The following RBFOX1 variants were observed in gnomAD, a reference collection of about 807,000 sequenced individuals.
RBFOX1 encodes RNA binding fox-1 homolog 1.
In RBFOX1, 8 loss-of-function variants were observed where a neutral mutation model predicts 57.7. That is an observed-to-expected ratio of 0.14 (90% confidence interval 0.08 to 0.25). The LOEUF (loss-of-function observed/expected upper bound fraction) is 0.25, where lower values mean the gene tolerates loss of function less well. Among genes scored for constraint, RBFOX1 ranks in the 10% least tolerant of loss-of-function variants. The pLI, the probability that RBFOX1 is intolerant of heterozygous loss-of-function variation, is 1.00. For missense variants in RBFOX1, 611 were observed against 548.5 expected (o/e 1.11, Z -1.14); for synonymous variants, 326 against 222.4 (o/e 1.47, Z -4.15).
chr16:7,079,701 C>T (rs2058860748), intron 4 of RBFOX1, among the ~76,000 whole-genome samples: 1 of 151,916 alleles, frequency 6.6e-6, no homozygotes, highest in Non-Finnish European at 1.5e-5. Flanking sequence ...CAAATGGAGG[C>T]TTTTGAGGGT....
At chr16:6,409,105 C>CTAA (rs2093376692) in intron 2 of RBFOX1, among the ~76,000 whole-genome samples, 1 of 152,120 alleles carries the variant, frequency 6.6e-6, no homozygotes, top group African/African-American at 2.4e-5. Context: ...ACTTCAAATA[C>CTAA]TAATGTTTTA....
intron 4 of RBFOX1, among the ~76,000 whole-genome samples, chr16:5,906,353 A>G (rs2058455924): frequency 6.6e-6 from 1 of 152,238 alleles, no homozygotes; most frequent in Admixed American, 6.5e-5. Flanking sequence ...TAATGTGAAA[A>G]TAAAAGCAGA....
intron 1 of RBFOX1, among the ~76,000 whole-genome samples, chr16:5,290,749 A>G (rs1410176810): frequency 1.3e-5 from 2 of 149,968 alleles, no homozygotes; most frequent in African/African-American, 2.5e-5. Context: ...CCTAGGCTGG[A>G]GTAGAGTGGT....
At chr16:7,659,378 C>T (rs547218268) in intron 12 of RBFOX1, among the ~76,000 whole-genome samples, 1 of 152,172 alleles carries the variant, frequency 6.6e-6, no homozygotes, top group Non-Finnish European at 1.5e-5. Context: ...CTGGTTTTAT[C>T]TTCTAAATAT....
intron 4 of RBFOX1, among the ~76,000 whole-genome samples, chr16:7,327,295 C>G (rs2096623725): frequency 6.6e-6 from 1 of 152,078 alleles, no homozygotes; most frequent in Non-Finnish European, 1.5e-5. Context: ...GATAATTTGC[C>G]AGTGTGGTTT....
chr16:7,121,417 A>C (rs770415648), intron 4 of RBFOX1, among the ~76,000 whole-genome samples: 1 of 152,162 alleles, frequency 6.6e-6, no homozygotes, highest in African/African-American at 2.4e-5. Flanking sequence ...TCATATATCT[A>C]TATACTAGGA....
At chr16:5,532,491 A>G (rs1332969848) in intron 2 of RBFOX1, among the ~76,000 whole-genome samples, 1 of 152,208 alleles carries the variant, frequency 6.6e-6, no homozygotes, top group Non-Finnish European at 1.5e-5. Flanking sequence ...TCAGATGCGT[A>G]TTAAAGTTTA....
chr16:7,495,255 T>A (rs2068244107), intron 4 of RBFOX1, among the ~76,000 whole-genome samples: 1 of 152,232 alleles, frequency 6.6e-6, no homozygotes, highest in Non-Finnish European at 1.5e-5. Flanking sequence ...TCTCTGCTGT[T>A]GTGAATATTA....
chr16:6,917,839 T>G (rs1165898448), intron 3 of RBFOX1, among the ~76,000 whole-genome samples: 1 of 152,092 alleles, frequency 6.6e-6, no homozygotes, highest in African/African-American at 2.4e-5. Flanking sequence ...GGGGGAGACA[T>G]CATCCTTTGT....
intron 4 of RBFOX1, among the ~76,000 whole-genome samples, chr16:7,292,502 T>C (rs1427497559): frequency 1.5e-5 from 2 of 130,568 alleles, no homozygotes; most frequent in Admixed American, 9.0e-5. Context: ...TTATGTATTA[T>C]ATATAAAATA....
intron 3 of RBFOX1, among the ~76,000 whole-genome samples, chr16:6,850,175 C>T (rs1316340271): frequency 6.6e-6 from 1 of 152,060 alleles, no homozygotes; most frequent in Non-Finnish European, 1.5e-5. Flanking sequence ...TCATTTAGTC[C>T]TTCATTCAGT....
chr16:7,558,436 A>G (rs2089391320), intron 5 of RBFOX1, among the ~76,000 whole-genome samples: 1 of 152,130 alleles, frequency 6.6e-6, no homozygotes, highest in Non-Finnish European at 1.5e-5. Context: ...ATTATACTGT[A>G]TGTATATATC....
intron 4 of RBFOX1, among the ~76,000 whole-genome samples, chr16:7,326,220 G>A (rs563818555): frequency 6.6e-6 from 1 of 152,282 alleles, no homozygotes; most frequent in South Asian, 2.1e-4. Flanking sequence ...GGAGGGGATA[G>A]AATGGAAGCA....
At chr16:7,608,440 A>C (rs543854452) in intron 10 of RBFOX1, among the ~76,000 whole-genome samples, 6 of 152,224 alleles carry the variant, frequency 3.9e-5, no homozygotes, top group Non-Finnish European at 7.3e-5. Context: ...GTTGTTCTTC[A>C]TGTATGAGTT....
At chr16:6,420,772 TGA>T (rs1376146611) in intron 2 of RBFOX1, among the ~76,000 whole-genome samples, 1 of 152,224 alleles carries the variant, frequency 6.6e-6, no homozygotes, top group South Asian at 2.1e-4. Context: ...GAAACGATTC[TGA>T]GAGAGATGAT....
chr16:5,353,476 C>T (rs1035613231), intron 1 of RBFOX1, among the ~76,000 whole-genome samples: 3 of 151,620 alleles, frequency 2.0e-5, no homozygotes, highest in African/African-American at 7.3e-5. Context: ...CATTTTTAAA[C>T]AGTCCAGTTC....
At chr16:5,703,606 C>G (rs2051132178) in intron 3 of RBFOX1, among the ~76,000 whole-genome samples, 1 of 152,186 alleles carries the variant, frequency 6.6e-6, no homozygotes. Flanking sequence ...TGCAGAGACT[C>G]TGGAGTCAGG....
intron 4 of RBFOX1, among the ~76,000 whole-genome samples, chr16:5,951,441 C>G (rs1195897930): frequency 6.6e-6 from 1 of 151,970 alleles, no homozygotes; most frequent in African/African-American, 2.4e-5. Context: ...CAGCAAGACT[C>G]CATCTCAAAA....
At chr16:7,454,756 A>G (rs893507978) in intron 4 of RBFOX1, among the ~76,000 whole-genome samples, 30 of 152,198 alleles carry the variant, frequency 2.0e-4, no homozygotes, top group Non-Finnish European at 1.2e-4. Flanking sequence ...TACCATGAAC[A>G]TGTGCAATTG....
Sources: gnomAD v4.1 joint callset for allele counts (sites outside exome capture counted in the v4.1 genomes callset) on GRCh38, gnomAD v4.1.1 for gene constraint, MANE v1.5 for transcripts, NCBI Gene and HGNC (gene_info 2026-07-23, HGNC 2026-07-21) for gene names.